COL4A2: variants seen among roughly 807,000 people sequenced by gnomAD.
COL4A2 encodes the protein collagen alpha-2(IV) chain.
A neutral mutation model predicts 200.2 loss-of-function variants in COL4A2; 99 were observed. The ratio of observed to expected loss-of-function variants is 0.49; its 90% CI spans 0.42 to 0.58. COL4A2 has a LOEUF of 0.58. Among genes scored for constraint, COL4A2 ranks in the 20% least tolerant of loss-of-function variants. The pLI is 0.00. For synonymous variants in COL4A2, 897 were observed against 900.6 expected, an observed-to-expected ratio of 1.00 and a Z score of 0.07; for missense variants, 1,950 against 2,314.1, an observed-to-expected ratio of 0.84 and a Z score of 3.23.
At chr13:110,394,432 C>T (rs1045316465) in intron 4 of COL4A2, among the ~76,000 whole-genome samples, 16 of 152,262 alleles carry the variant, frequency 1.1e-4, no homozygotes, top group South Asian at 2.1e-4. Context: ...GAGAGAGGAA[C>T]GTTGACTTCT....
intron 4 of COL4A2, among the ~76,000 whole-genome samples, chr13:110,360,395 A>G (rs1441982782): frequency 3.9e-5 from 6 of 152,216 alleles, no homozygotes; most frequent in African/African-American, 1.4e-4. Context: ...TTCAGTAAAC[A>G]TAGCTAGTTC....
At chr13:110,420,605 T>C (rs1365216824) in intron 4 of COL4A2, among the ~76,000 whole-genome samples, 1 of 152,248 alleles carries the variant, frequency 6.6e-6, no homozygotes, top group Non-Finnish European at 1.5e-5. Context: ...GAGTAATTTT[T>C]ATTTTTAATG....
intron 21 of COL4A2, chr13:110,457,702 C>A (rs923353851): frequency 1.6e-6 from 1 of 618,640 alleles, no homozygotes. Context: ...AGCAGTGAGC[C>A]TGATGCTGAG....
At chr13:110,463,261 C>G (rs1250211717) in intron 24 of COL4A2, 1 of 152,424 alleles carries the variant, frequency 6.6e-6, no homozygotes, top group Non-Finnish European at 1.5e-5. Context: ...TCTCTGTCTT[C>G]TCATCATCTG....
At chr13:110,416,187 G>C (rs1370909890) in intron 4 of COL4A2, among the ~76,000 whole-genome samples, 1 of 152,236 alleles carries the variant, frequency 6.6e-6, no homozygotes, top group East Asian at 1.9e-4. Flanking sequence ...GTGATGCTCT[G>C]AGCATTGACA....
chr13:110,379,901 G>GAA (rs971056186), intron 4 of COL4A2, among the ~76,000 whole-genome samples: 1 of 152,028 alleles, frequency 6.6e-6, no homozygotes, highest in Non-Finnish European at 1.5e-5. Context: ...CTCCGCCTTG[G>GAA]AAAGCTGACC....
At chr13:110,462,408 G>T (rs1326949342) in intron 24 of COL4A2, 24 bp downstream of exon 24, 2 of 1,608,528 alleles carry the variant, frequency 1.2e-6, no homozygotes, top group Non-Finnish European at 1.7e-6. Flanking sequence ...AACTGCGGCA[G>T]CTCCGTCCTC....
At position 110,331,194 on chromosome 13, in the gene COL4A2, C is replaced by T. The variant is rs1415969998; in HGVS notation, c.99+23071C>T. Among the ~76,000 whole-genome samples the T allele has an allele frequency of 3.3e-5, 5 of 152,198 alleles. No homozygotes were observed. In the South Asian group the frequency reaches 8.3e-4, roughly 25 times the overall value. On this transcript the variant is annotated intron_variant, in intron 3 of 47. Coordinates refer to ENST00000360467, the MANE Select transcript of COL4A2 (RefSeq NM_001846.4). ...ATGCCAATAAAATCGTGTGATAGTG[C>T]CAGGCCATTGCAAAGGACAGAGAAA...
chr13:110,489,561 G>C (rs1286001753), intron 35 of COL4A2, 53 bp downstream of exon 35: 1 of 1,604,594 alleles, frequency 6.2e-7, no homozygotes, highest in Non-Finnish European at 8.5e-7. Context: ...AGAGCTCTCT[G>C]AGCATGTGAG....
At chr13:110,397,130 G>A (rs946036722) in intron 4 of COL4A2, among the ~76,000 whole-genome samples, 4 of 152,178 alleles carry the variant, frequency 2.6e-5, no homozygotes, top group African/African-American at 4.8e-5. Context: ...CATGACCGTC[G>A]GAGAGTTTTT....
At chr13:110,495,729 C>T (rs1290659345) in intron 40 of COL4A2, among the ~76,000 whole-genome samples, 1 of 152,200 alleles carries the variant, frequency 6.6e-6, no homozygotes, top group African/African-American at 2.4e-5. Context: ...CTAGAGACCC[C>T]ATCAGATCCT....
At chr13:110,509,109 C>A (rs900783150) in intron 47 of COL4A2, among the ~76,000 whole-genome samples, 1 of 151,808 alleles carries the variant, frequency 6.6e-6, no homozygotes, top group Non-Finnish European at 1.5e-5. Context: ...CAGGGACCAT[C>A]TGTATACTAT....
At chr13:110,313,298 T>C (rs1166263429) in intron 3 of COL4A2, among the ~76,000 whole-genome samples, 3 of 152,172 alleles carry the variant, frequency 2.0e-5, no homozygotes, top group African/African-American at 4.8e-5. Context: ...CTTGATTTCA[T>C]TGGTGGCTCC....
At chr13:110,429,155 T>C (rs1880583452) in intron 7 of COL4A2, 1 of 152,228 alleles carries the variant, frequency 6.6e-6, no homozygotes, top group Admixed American at 6.5e-5. Context: ...GTGAGACTTT[T>C]TATTTAAAAA....
intron 24 of COL4A2, among the ~76,000 whole-genome samples, chr13:110,463,510 G>A (rs1033553318): frequency 6.6e-6 from 1 of 152,138 alleles, no homozygotes; most frequent in African/African-American, 2.4e-5. Flanking sequence ...TCTATTCGCA[G>A]CTTATTTGCC....
intron 4 of COL4A2, among the ~76,000 whole-genome samples, chr13:110,416,143 C>G (rs937452497): frequency 6.6e-6 from 1 of 152,258 alleles, no homozygotes; most frequent in South Asian, 2.1e-4. Flanking sequence ...GCACAGCATC[C>G]GTAACCTCTT....
At chr13:110,405,415 C>T (rs1879525730) in intron 4 of COL4A2, among the ~76,000 whole-genome samples, 1 of 152,154 alleles carries the variant, frequency 6.6e-6, no homozygotes, top group African/African-American at 2.4e-5. Context: ...ACTAGTGGGT[C>T]CCGGTGTGGG....
chr13:110,493,427 A>G, intron 39 of COL4A2, 145 bp downstream of exon 39: 1 of 787,810 alleles, frequency 1.3e-6, no homozygotes, highest in Non-Finnish European at 2.0e-6. Flanking sequence ...ATCGGCCGTG[A>G]GGGGCGGGTC....
At chr13:110,350,461 A>G (rs1302483084) in intron 3 of COL4A2, among the ~76,000 whole-genome samples, 1 of 152,246 alleles carries the variant, frequency 6.6e-6, no homozygotes, top group African/African-American at 2.4e-5. Flanking sequence ...CTTAGGGCTC[A>G]GAGCCGCCCC....
Sources: allele counts gnomAD v4.1 joint callset (sites outside exome capture counted in the v4.1 genomes callset), GRCh38; gene constraint gnomAD v4.1.1; transcripts MANE v1.5; gene names NCBI Gene and HGNC (gene_info 2026-07-23, HGNC 2026-07-21).